Variants in RIGI observed in about 807,000 individuals in gnomAD.
RIGI encodes the protein antiviral innate immune response receptor RIG-I.
chr9:32,505,001 TA>T, the RIGI span, among the ~76,000 whole-genome samples: 3 of 97,702 alleles, frequency 3.1e-5, no homozygotes, highest in Admixed American at 2.0e-4. Context: ...TTATATATAA[TA>T]TATATGTTTA....
chr9:32,478,703 G>C, the RIGI span, among the ~76,000 whole-genome samples: 1 of 152,068 alleles, frequency 6.6e-6, no homozygotes, highest in African/African-American at 2.4e-5. Context: ...GGGACCACAG[G>C]AGCATACCAC....
At chr9:32,458,187 A>G in the RIGI span, among the ~76,000 whole-genome samples, 1 of 152,174 alleles carries the variant, frequency 6.6e-6, no homozygotes, top group Non-Finnish European at 1.5e-5. Flanking sequence ...TGCAAGAGTT[A>G]TACCCCATAT....
At chr9:32,503,007 G>A in the RIGI span, among the ~76,000 whole-genome samples, 2 of 152,124 alleles carry the variant, frequency 1.3e-5, no homozygotes, top group East Asian at 3.9e-4. Flanking sequence ...CATATATTTT[G>A]GGTAGGGGGA....
chr9:32,505,993 G>C, the RIGI span, among the ~76,000 whole-genome samples: 2 of 152,282 alleles, frequency 1.3e-5, no homozygotes, highest in Non-Finnish European at 2.9e-5. Flanking sequence ...AAGGCAGGCG[G>C]ATCACTTGAG....
chr9:32,491,242 C>T, the RIGI span: 850,464 of 1,580,764 alleles, frequency 0.54, 235,088 homozygotes, highest in Middle Eastern at 0.62. Context: ...GCAAAACAAG[C>T]CCCCACACCA....
At chr9:32,508,258 T>TTTTTTTTTTTTTTTTTTTTTTTTTA in the RIGI span, among the ~76,000 whole-genome samples, 12 of 137,996 alleles carry the variant, frequency 8.7e-5, 1 homozygote, top group South Asian at 4.6e-4. Context: ...TTTTTTTTTT[T>TTTTTTTTTTTTTTTTTTTTTTTTTA]ACTATATGAA....
the RIGI span, chr9:32,457,141 G>A: frequency 6.8e-6 from 11 of 1,613,118 alleles, no homozygotes; most frequent in South Asian, 1.1e-5. Context: ...CATTTCTGCT[G>A]GATCAAATGG....
the RIGI span, among the ~76,000 whole-genome samples, chr9:32,461,512 T>G: frequency 1.3e-5 from 2 of 152,182 alleles, no homozygotes; most frequent in African/African-American, 4.8e-5. Context: ...TCCCTGTCAC[T>G]TAGCAGCTAT....
At chr9:32,483,491 G>A in the RIGI span, among the ~76,000 whole-genome samples, 7 of 152,086 alleles carry the variant, frequency 4.6e-5, no homozygotes, top group African/African-American at 9.7e-5. Context: ...AGAAACTCAC[G>A]TGACTCCATC....
the RIGI span, among the ~76,000 whole-genome samples, chr9:32,478,933 T>C: frequency 6.6e-6 from 1 of 152,190 alleles, no homozygotes; most frequent in Middle Eastern, 3.2e-3. Flanking sequence ...AGCTATTACA[T>C]TGAATAGCAC....
chr9:32,509,408 GC>G, the RIGI span, among the ~76,000 whole-genome samples: 1 of 152,188 alleles, frequency 6.6e-6, no homozygotes, highest in African/African-American at 2.4e-5. Context: ...GAAGGAACAG[GC>G]AGCAATCTTT....
the RIGI span, among the ~76,000 whole-genome samples, chr9:32,521,492 T>C: frequency 6.6e-6 from 1 of 152,208 alleles, no homozygotes; most frequent in Non-Finnish European, 1.5e-5. Flanking sequence ...TAGCGACCTG[T>C]GATCCTATTT....
chr9:32,524,324 AGT>A, the RIGI span, among the ~76,000 whole-genome samples: 6 of 152,178 alleles, frequency 3.9e-5, no homozygotes, highest in Admixed American at 3.9e-4. Flanking sequence ...ATTCCATCAA[AGT>A]GTATCAAATC....
At chr9:32,460,609 A>G in the RIGI span, among the ~76,000 whole-genome samples, 274 of 152,330 alleles carry the variant, frequency 1.8e-3, no homozygotes, top group South Asian at 9.3e-3. Context: ...TAAAGGCTCA[A>G]CAATGAAATG....
chr9:32,498,634 A>T, the RIGI span, among the ~76,000 whole-genome samples: 1 of 152,212 alleles, frequency 6.6e-6, no homozygotes, highest in African/African-American at 2.4e-5. Flanking sequence ...AACATATATA[A>T]TAAAGAGTAT....
chr9:32,460,164 A>G, the RIGI span, among the ~76,000 whole-genome samples: 2 of 152,156 alleles, frequency 1.3e-5, no homozygotes, highest in African/African-American at 4.8e-5. Flanking sequence ...GCTGCCATGT[A>G]AGAAGTGCCT....
At chr9:32,491,443 T>C in the RIGI span, 2 of 1,570,848 alleles carry the variant, frequency 1.3e-6, no homozygotes, top group Admixed American at 1.9e-5. Flanking sequence ...AAAAAAGTCT[T>C]AGAATCTTCA....
the RIGI span, chr9:32,487,850 T>G: frequency 1.4e-6 from 2 of 1,448,142 alleles, no homozygotes; most frequent in Non-Finnish European, 1.9e-6. Context: ...ACTTGGGACC[T>G]GAGAAGGACA....
chr9:32,519,026 A>T, the RIGI span, among the ~76,000 whole-genome samples: 1 of 152,204 alleles, frequency 6.6e-6, no homozygotes, highest in Admixed American at 6.5e-5. Context: ...GAATTTCTTA[A>T]TTGCACAAAA....
Sources: gnomAD v4.1 joint callset for allele counts (sites outside exome capture counted in the v4.1 genomes callset) on GRCh38, gnomAD v4.1.1 for gene constraint, MANE v1.5 for transcripts, NCBI Gene and HGNC (gene_info 2026-07-23, HGNC 2026-07-21) for gene names.